CFAP54: variants seen among roughly 807,000 people sequenced by gnomAD.
The protein encoded by CFAP54 is cilia and flagella associated protein 54.
A neutral mutation model predicts 370.4 loss-of-function variants in CFAP54; 290 were observed. The ratio of observed to expected loss-of-function variants is 0.78; its 90% CI spans 0.71 to 0.86. CFAP54 has a LOEUF of 0.86. Among genes scored for constraint, CFAP54 ranks in the 40% least tolerant of loss-of-function variants. The pLI, the probability that CFAP54 is intolerant of heterozygous loss-of-function variation, is 0.00. For synonymous variants in CFAP54, 1,206 were observed against 1,236.5 expected (o/e 0.98, Z 0.52); for missense variants, 3,399 against 3,528.7 (o/e 0.96, Z 0.93).
intron 22 of CFAP54, among the ~76,000 whole-genome samples, chr12:96,588,264 T>G (rs1181831810): frequency 6.6e-6 from 1 of 152,196 alleles, no homozygotes; most frequent in African/African-American, 2.4e-5. Flanking sequence ...TTTCCATTAC[T>G]GGACCTTTTG....
intron 1 of CFAP54, among the ~76,000 whole-genome samples, chr12:96,497,626 C>T (rs752959414): frequency 1.3e-5 from 2 of 152,144 alleles, no homozygotes; most frequent in African/African-American, 2.4e-5. Flanking sequence ...GAAGAAACAA[C>T]CTAAAGATAC....
chr12:96,827,173 A>AGTGTGC (rs1441585752), intron 65 of CFAP54, among the ~76,000 whole-genome samples: 1 of 19,556 alleles, frequency 5.1e-5, no homozygotes, highest in African/African-American at 7.0e-4. Context: ...GATTATATAT[A>AGTGTGC]ATGTGCAGTT....
chr12:96,593,957 A>G (rs1051289110), intron 24 of CFAP54, among the ~76,000 whole-genome samples: 1 of 152,020 alleles, frequency 6.6e-6, no homozygotes, highest in African/African-American at 2.4e-5. Context: ...GAGATGTTAT[A>G]TATTTTAATT....
intron 66 of CFAP54, among the ~76,000 whole-genome samples, chr12:96,859,244 CA>C (rs907561491): frequency 6.6e-6 from 1 of 152,148 alleles, no homozygotes; most frequent in Admixed American, 6.5e-5. Context: ...ATACCATATA[CA>C]AAAATCAATT....
chr12:96,836,396 C>CT (rs1565997594), intron 66 of CFAP54, among the ~76,000 whole-genome samples: 4 of 152,258 alleles, frequency 2.6e-5, no homozygotes, highest in African/African-American at 9.6e-5. Flanking sequence ...TTTGATCTTT[C>CT]TTTAACTACA....
chr12:96,580,166 C>T (rs564039413), intron 20 of CFAP54, among the ~76,000 whole-genome samples: 109 of 149,954 alleles, frequency 7.3e-4, no homozygotes, highest in Non-Finnish European at 1.1e-3. Context: ...GAGTGTTAAT[C>T]TTTTTTTTTA....
At position 96,793,174 on chromosome 12, in the gene CFAP54, C is replaced by G. The variant is rs1712545232; in HGVS notation, c.8850+675C>G. ...TCACCCAAGCAATGTACACTGTACC[C>G]TGCCTCACCCCTGCTCCACCCTCTC... On this transcript the variant is annotated intron_variant, in intron 63 of 67. Coordinates refer to ENST00000524981, the MANE Select transcript of CFAP54 (RefSeq NM_001306084.2). Among the ~76,000 whole-genome samples, 4 of 151,976 alleles carry G rather than the reference C, an allele frequency of 2.6e-5. No homozygotes were observed. In the South Asian group the frequency reaches 8.3e-4, roughly 31 times the overall value.
chr12:96,773,569 A>G (rs551789177), intron 60 of CFAP54, among the ~76,000 whole-genome samples: 6 of 152,380 alleles, frequency 3.9e-5, no homozygotes, highest in Admixed American at 1.3e-4. Context: ...GCACTGATAC[A>G]TTGACATATT....
At chr12:96,718,604 T>G in intron 49 of CFAP54, 82 bp downstream of exon 49, 1 of 791,450 alleles carries the variant, frequency 1.3e-6, no homozygotes, top group East Asian at 2.7e-5. Flanking sequence ...GCTTTCAGAG[T>G]TATGCTTGCT....
At chr12:96,535,047 TGTGTG>T (rs913009658) in intron 11 of CFAP54, among the ~76,000 whole-genome samples, 5 of 150,336 alleles carry the variant, frequency 3.3e-5, no homozygotes, top group African/African-American at 1.2e-4. Context: ...TGTGTGTGTG[TGTGTG>T]TTTATTTATT....
intron 1 of CFAP54, among the ~76,000 whole-genome samples, chr12:96,494,141 CGGAGGAATG>C (rs1954920953): frequency 6.6e-6 from 1 of 151,966 alleles, no homozygotes; most frequent in Non-Finnish European, 1.5e-5. Flanking sequence ...ATTCCTACTT[CGGAGGAATG>C]GACAGAATCC....
intron 25 of CFAP54, among the ~76,000 whole-genome samples, chr12:96,595,318 C>A (rs1423467825): frequency 6.6e-6 from 1 of 152,058 alleles, no homozygotes; most frequent in African/African-American, 2.4e-5. Context: ...GCCCCACCCA[C>A]ACTCAAGGGG....
chr12:96,498,910 G>A (rs186398198), intron 1 of CFAP54, among the ~76,000 whole-genome samples: 3 of 152,286 alleles, frequency 2.0e-5, no homozygotes, highest in African/African-American at 7.2e-5. Context: ...CAAAATATAC[G>A]AAGAACTCTG....
At chr12:96,758,376 A>G (rs1475422032) in intron 58 of CFAP54, among the ~76,000 whole-genome samples, 1 of 152,214 alleles carries the variant, frequency 6.6e-6, no homozygotes, top group Non-Finnish European at 1.5e-5. Context: ...CACATCTTAC[A>G]TGGCAGCAGA....
rs1466571176 is a variant in CFAP54, at chr12:96,685,131, CA to C, written c.5909del (p.Asn1970ThrfsTer34). On this transcript the variant is annotated frameshift_variant, in exon 42 of 68. Transcript: ENST00000524981. LOFTEE classifies it high-confidence loss of function. ...TTGGCCCCTCACTCACCAATGTCAC[CA>C]ACAGTCATTCACCTCCGGGTTTCAA... ...EFGPSLTNVT[N>X]SHSPPGFKDY... 1 of 1,614,132 alleles carries C rather than the reference CA, an allele frequency of 6.2e-7. No homozygotes were observed. Among genetic ancestry groups the C allele is most frequent in the Admixed American group, 1.7e-5 (1 of 60,014 alleles).
At chr12:96,860,377 G>T (rs938494247) in intron 66 of CFAP54, among the ~76,000 whole-genome samples, 1 of 152,112 alleles carries the variant, frequency 6.6e-6, no homozygotes, top group African/African-American at 2.4e-5. Context: ...GACTTTGGCT[G>T]TACTAGCTCT....
intron 32 of CFAP54, among the ~76,000 whole-genome samples, chr12:96,639,703 C>CAGCACATCAAACGGAA (rs1956703188): frequency 6.6e-6 from 1 of 152,136 alleles, no homozygotes. Context: ...AAACGGAATC[C>CAGCACATCAAACGGAA]AGCAGCACAT....
chr12:96,696,846 T>C (rs1327397363), intron 45 of CFAP54, among the ~76,000 whole-genome samples: 1 of 152,132 alleles, frequency 6.6e-6, no homozygotes, highest in African/African-American at 2.4e-5. Context: ...TGCCTGACCT[T>C]TCTGAAGTAA....
chr12:96,710,831 T>C (rs891917023), intron 48 of CFAP54, among the ~76,000 whole-genome samples: 2 of 152,086 alleles, frequency 1.3e-5, no homozygotes, highest in African/African-American at 4.8e-5. Context: ...AGCTAAGTTT[T>C]TGTATTTTTA....
Sources: gnomAD v4.1 joint callset for allele counts (sites outside exome capture counted in the v4.1 genomes callset) on GRCh38, gnomAD v4.1.1 for gene constraint, MANE v1.5 for transcripts, NCBI Gene and HGNC (gene_info 2026-07-23, HGNC 2026-07-21) for gene names.